Variants in PLEKHM2 observed in about 807,000 individuals in gnomAD.
PLEKHM2 encodes pleckstrin homology and RUN domain containing M2, also known as pleckstrin homology domain-containing family M member 2.
PLEKHM2 carries 77 observed loss-of-function variants against 116.3 expected under a neutral mutation model. The ratio of observed to expected loss-of-function variants is 0.66; its 90% confidence interval spans 0.55 to 0.80. PLEKHM2 has a LOEUF of 0.80. Among genes scored for constraint, PLEKHM2 ranks in the 30% least tolerant of loss-of-function variants. PLEKHM2 has a pLI of 0.00. For missense variants in PLEKHM2, 1,183 were observed against 1,354.9 expected (o/e 0.87, Z 1.99); for synonymous variants, 562 against 571.0 (o/e 0.98, Z 0.22).
intron 1 of PLEKHM2, among the ~76,000 whole-genome samples, chr1:15,711,054 A>C (rs1641321526): frequency 6.6e-6 from 1 of 151,854 alleles, no homozygotes; most frequent in African/African-American, 2.4e-5. Flanking sequence ...CATGACATAT[A>C]TAAAGATCTA....
rs772148348 is a variant in PLEKHM2 at position 15,725,535 on chromosome 1, G to A, written c.931G>A (p.Glu311Lys). 2.3e-5 allele frequency: 36 copies of A among 1,562,746 alleles called. No homozygotes were observed. Among genetic ancestry groups the A allele is most frequent in the South Asian group, 9.4e-5 (8 of 84,684 alleles). Residue 311 changes from glutamate (E) to lysine (K), a missense_variant, in exon 8 of 20, where the codon GAG (glutamate) becomes AAG (lysine). By Grantham distance (56) the Glu-to-Lys change is moderately conservative. Transcript: ENST00000375799. Reference protein sequence around the residue: ...LDPPDACTELEVIRVTKKKKI... With the variant: ...LDPPDACTELKVIRVTKKKKI... ...CCCGCCGGATGCCTGCACGGAGCTC[G>A]AGGTCATCAGGTCAGCAGGGAGGGG...
Position 15,725,311 on chromosome 1 carries a change from T to C in PLEKHM2, c.713-6T>C, listed in dbSNP as rs1460372854. 1.3e-6 allele frequency: 2 copies of C among 1,547,266 alleles called. No homozygotes were observed. Among genetic ancestry groups the C allele is most frequent in the Non-Finnish European group, 1.7e-6 (2 of 1,143,666 alleles). On this transcript the variant is annotated splice_region_variant and splice_polypyrimidine_tract_variant and intron_variant, in intron 7 of 19. Transcript: ENST00000375799. ...CAGGGTGTCTCCTGCTTCCTTGTCC[T>C]CCCAGATGGAGACCTCACAGACACG...
chr1:15,709,055 A>G (rs1332441469), intron 1 of PLEKHM2, among the ~76,000 whole-genome samples: 2 of 152,192 alleles, frequency 1.3e-5, no homozygotes, highest in African/African-American at 4.8e-5. Context: ...CCAAGGTCAC[A>G]CAGTGAATGA....
Position 15,728,748 on chromosome 1 carries a change from C to A in PLEKHM2, c.1986+15C>A. The stretch of plus-strand genomic sequence containing the variant: ...ACTATGTGTCGGTGAGTCCAGGCCC[C>A]GCAGTTGTGCGCCTGCTGTAGGTAC... On this transcript the variant is annotated intron_variant, in intron 12 of 19. Transcript: ENST00000375799. The surrounding 1 kb of genome is among the most constrained non-coding windows in gnomAD (Gnocchi z 5.9). 6.3e-7 allele frequency: 1 copy of A among 1,597,686 alleles called. No individual in the cohort carries two copies. The highest frequency in any genetic ancestry group is 8.5e-7 in the Non-Finnish European group (1 of 1,171,106).
At chr1:15,697,795 TA>T (rs1200865918) in intron 1 of PLEKHM2, among the ~76,000 whole-genome samples, 1 of 152,008 alleles carries the variant, frequency 6.6e-6, no homozygotes, top group Non-Finnish European at 1.5e-5. Flanking sequence ...CATGCCCAGC[TA>T]ATTTTTTTTT....
chr1:15,732,230 TC>T, intron 17 of PLEKHM2, 119 bp from the exon 18 acceptor site: 3 of 1,005,462 alleles, frequency 3.0e-6, no homozygotes, highest in Non-Finnish European at 4.4e-6. Context: ...CTGCTCCCGA[TC>T]CCTGGAGGGA....
chr1:15,694,180 C>T (rs963303832), intron 1 of PLEKHM2, among the ~76,000 whole-genome samples: 4 of 152,012 alleles, frequency 2.6e-5, no homozygotes, highest in African/African-American at 9.6e-5. Flanking sequence ...GGTGAAACCC[C>T]GTCTCTACTA....
chr1:15,693,042 CTTTT>C (rs922212762), intron 1 of PLEKHM2, among the ~76,000 whole-genome samples: 1 of 126,982 alleles, frequency 7.9e-6, no homozygotes, highest in African/African-American at 2.9e-5. Flanking sequence ...CCTAGCCACA[CTTTT>C]TTTTTTTTTT....
chr1:15,718,929 A>G (rs1641503712), intron 5 of PLEKHM2, among the ~76,000 whole-genome samples: 1 of 152,086 alleles, frequency 6.6e-6, no homozygotes, highest in Non-Finnish European at 1.5e-5. Context: ...CATGTTTAGG[A>G]TGTGAAGAGT....
chr1:15,731,809 C>G, intron 16 of PLEKHM2, 80 bp from the exon 17 acceptor site: 1 of 1,284,128 alleles, frequency 7.8e-7, no homozygotes, highest in Non-Finnish European at 1.1e-6. Context: ...GTGCCGCACA[C>G]CCCGCACCAA....
In PLEKHM2 at chr1:15,725,535, GAGGTCATC is replaced by G. The variant is rs1557658359; in HGVS notation, c.938_941+4del. The G allele has an allele frequency of 6.4e-7, 1 of 1,562,864 alleles. No homozygotes were observed. Among genetic ancestry groups the G allele is most frequent in the East Asian group, 2.4e-5 (1 of 41,634 alleles). On this transcript the variant is annotated frameshift_variant and splice_region_variant, in exon 8 of 20. Transcript: ENST00000375799. LOFTEE classifies it high-confidence loss of function. The stretch of plus-strand genomic sequence containing the variant: ...CCCGCCGGATGCCTGCACGGAGCTC[GAGGTCATC>G]AGGTCAGCAGGGAGGGGCCCAGAAA...
chr1:15,709,255 T>C (rs1641281521), intron 1 of PLEKHM2, among the ~76,000 whole-genome samples: 1 of 152,218 alleles, frequency 6.6e-6, no homozygotes, highest in Admixed American at 6.5e-5. Context: ...AGGATTGTGC[T>C]TCCAGGCTGG....
intron 7 of PLEKHM2, among the ~76,000 whole-genome samples, chr1:15,723,572 T>C (rs931618756): frequency 2.7e-4 from 41 of 151,788 alleles, no homozygotes; most frequent in African/African-American, 8.7e-4. Flanking sequence ...GGACCCCGTC[T>C]CTACTAAAAA....
intron 1 of PLEKHM2, among the ~76,000 whole-genome samples, chr1:15,715,364 G>A (rs565000741): frequency 4.6e-5 from 7 of 151,840 alleles, no homozygotes; most frequent in South Asian, 2.1e-4. Flanking sequence ...CAAACAGGCC[G>A]GGCACAGTGG....
Position 15,725,206 on chromosome 1 carries a change from C to G in PLEKHM2, c.713-111C>G, listed in dbSNP as rs954302485. 29 of 729,350 alleles carry G rather than the reference C, an allele frequency of 4.0e-5. No homozygotes were observed. The East Asian group carries it at 7.3e-4, about 18-fold the overall frequency. The allele number at this position is 729,350 out of a possible 1,614,324, so 45.2% of individuals were successfully genotyped here. A position where few individuals can be genotyped will look rare whatever the true frequency, so the allele number is the denominator to read the frequency against. On this transcript the variant is annotated intron_variant, in intron 7 of 19. Coordinates refer to ENST00000375799, the MANE Select transcript of PLEKHM2 (RefSeq NM_015164.4). ...AAATGGGGCCACCCCTGTCAGGTTT[C>G]CCTGGGAGGAACTGGCCAGCCTGCC...
Position 15,684,323 on chromosome 1 carries a change from C to T in PLEKHM2, c.-236C>T, listed in dbSNP as rs1395389241. On this transcript the variant is annotated 5_prime_UTR_variant, in exon 1 of 20. Transcript: ENST00000375799. ...CTGCCGCCGCCGCCGCCGCGGCGCA[C>T]AGCCCGCGGCCTCCTTCCCCGCCGG... 4 of 155,980 alleles carry T rather than the reference C, an allele frequency of 2.6e-5. No homozygotes were observed. The highest frequency in any genetic ancestry group is 5.5e-5 in the Non-Finnish European group (4 of 72,616). 9.7% of individuals were successfully genotyped at this position (155,980 alleles called of 1,614,324 possible). A position where few individuals can be genotyped will look rare whatever the true frequency, so the allele number is the denominator to read the frequency against.
At chr1:15,702,232 T>G (rs1277354017) in intron 1 of PLEKHM2, among the ~76,000 whole-genome samples, 1 of 152,142 alleles carries the variant, frequency 6.6e-6, no homozygotes, top group Non-Finnish European at 1.5e-5. Flanking sequence ...CTCACCCACC[T>G]TGTACCTACA....
At chr1:15,725,584 G>C (rs1218945942) in intron 8 of PLEKHM2, 39 bp downstream of exon 8, 2 of 1,419,014 alleles carry the variant, frequency 1.4e-6, no homozygotes, top group Middle Eastern at 4.4e-4. Flanking sequence ...TGAGGTCCTG[G>C]GGTCCAACCT....
At position 15,717,968 on chromosome 1, in the gene PLEKHM2, G is replaced by A; in HGVS notation, c.353G>A (p.Gly118Asp). The part of the protein sequence containing the change: ...SYLRLFQENL[G>D]LLHKYYVKNA... ...CTGCGGTTGTTCCAGGAGAACCTGG[G>A]CCTGCTGCATAAGTACTACGTCAAG... Residue 118 changes from glycine (G) to aspartate (D), a missense_variant, in exon 4 of 20, where the codon GGC becomes GAC. Gly to Asp is a moderately conservative substitution (Grantham distance 94). Coordinates refer to ENST00000375799, the MANE Select transcript of PLEKHM2 (RefSeq NM_015164.4). 3 of 1,595,052 alleles carry A rather than the reference G, an allele frequency of 1.9e-6. No homozygotes were observed. Among genetic ancestry groups the A allele is most frequent in the East Asian group, 2.3e-5 (1 of 44,028 alleles).
Sources: gnomAD v4.1 joint callset for allele counts (sites outside exome capture counted in the v4.1 genomes callset) on GRCh38, gnomAD v4.1.1 for gene constraint, Gnocchi (gnomAD v3.1) non-coding constraint, MANE v1.5 for transcripts, NCBI Gene and HGNC (gene_info 2026-07-23, HGNC 2026-07-21) for gene names.